Variants in NHS observed in about 807,000 individuals in gnomAD.
The protein encoded by NHS is actin remodeling regulator NHS.
A neutral mutation model predicts 72.5 loss-of-function variants in NHS; 5 were observed. The observed-to-expected ratio is 0.07, with a 90% CI of 0.04 to 0.14. The LOEUF (loss-of-function observed/expected upper bound fraction) is 0.14. Ranked by LOEUF, NHS falls within the 10% of genes least tolerant of loss-of-function variation. NHS has a pLI of 1.00. For synonymous variants in NHS, 464 were observed against 547.7 expected (o/e 0.85, Z 2.13); for missense variants, 1,072 against 1,355.7 (o/e 0.79, Z 3.29).
chrX:17,561,559 C>T (rs889438183), intron 1 of NHS, among the ~76,000 whole-genome samples: 18 of 64,803 alleles, frequency 2.8e-4, no homozygotes, highest in East Asian at 5.7e-4. Flanking sequence ...CAAGTGCATG[C>T]GCGCGCGCGC....
chrX:17,470,672 C>T (rs2064888785), intron 1 of NHS, among the ~76,000 whole-genome samples: 1 of 111,194 alleles, frequency 9.0e-6, no homozygotes, highest in Non-Finnish European at 1.9e-5. Flanking sequence ...AGGTCCTTTG[C>T]ACTTATTGTT....
rs146689069 is a variant in NHS at position 17,479,677 on chromosome X, G to A, written c.565+103355G>A. ...ATGAGCTTTTTTTCATATGTTTGTT[G>A]GGCACATAAATGTCTTCTTTTGAGA... On this transcript the variant is annotated intron_variant, in intron 1 of 8. Transcript: ENST00000676302. Among the ~76,000 whole-genome samples, 83 of 111,778 alleles carry A rather than the reference G, an allele frequency of 7.4e-4. No homozygotes were observed. The East Asian group carries it at 0.012, about 17-fold the overall frequency.
intron 1 of NHS, among the ~76,000 whole-genome samples, chrX:17,522,267 C>T (rs2065151919): frequency 8.9e-6 from 1 of 112,578 alleles, no homozygotes; most frequent in South Asian, 3.6e-4. Context: ...ATTCTGGCCT[C>T]GGAGGAATGC....
intron 3 of NHS, among the ~76,000 whole-genome samples, chrX:17,700,006 T>C (rs1169674775): frequency 9.0e-6 from 1 of 111,502 alleles, no homozygotes; most frequent in Non-Finnish European, 1.9e-5. Context: ...ATACCTCTAA[T>C]TGATAAATAC....
intron 1 of NHS, among the ~76,000 whole-genome samples, chrX:17,480,491 G>A (rs968817583): frequency 6.3e-5 from 7 of 111,156 alleles, no homozygotes; most frequent in Admixed American, 2.9e-4. Context: ...ATCTACAACC[G>A]TCTGATCTTT....
chrX:17,376,024 C>T lies in NHS; in HGVS notation c.267C>T (p.Ser89=), dbSNP rs1451780266. ...DQTQPPHGEA[S]VAGEESTAGI... ...CTCAGCCGCCGCACGGAGAGGCGTC[C>T]GTGGCTGGCGAGGAGAGCACGGCGG... The change falls in exon 1 of 9, where the codon TCC becomes TCT. Residue 89 remains serine, a synonymous_variant. Transcript: ENST00000676302. The T allele has an allele frequency of 9.2e-7, 1 of 1,081,410 alleles. No homozygotes were observed. The highest frequency in any genetic ancestry group is 1.2e-6 in the Non-Finnish European group (1 of 836,491). 89.1% of individuals were successfully genotyped at this position (1,081,410 alleles called of 1,213,427 possible). A position where few individuals can be genotyped will look rare whatever the true frequency, so the allele number is the denominator to read the frequency against.
rs763271953 is a variant in NHS at position 17,718,922 on chromosome X, AAAGG to A, written c.853-415_853-412del. Among the ~76,000 whole-genome samples, 140 of 94,007 alleles carry A rather than the reference AAAGG, an allele frequency of 1.5e-3. 1 individual carries two copies. The highest frequency in any genetic ancestry group is 2.7e-3 in the Non-Finnish European group (128 of 46,728). The allele number at this position is 94,007 out of a possible 115,157, so 81.6% of individuals were successfully genotyped here. On this transcript the variant is annotated intron_variant, in intron 3 of 8. Transcript: ENST00000676302. ...AAGAAGGAAGAGGAAAGGAAGGAAG[AAAGG>A]AAGGAAAGAGGAAGGAAGGAAGAAG...
At chrX:17,432,850 A>C (rs2064700206) in intron 1 of NHS, among the ~76,000 whole-genome samples, 1 of 111,634 alleles carries the variant, frequency 9.0e-6, no homozygotes, top group South Asian at 3.7e-4. Flanking sequence ...GTTTTCCTAA[A>C]GGAAGTGATA....
chrX:17,488,400 G>A (rs1409241054), intron 1 of NHS, among the ~76,000 whole-genome samples: 1 of 111,301 alleles, frequency 9.0e-6, no homozygotes, highest in African/African-American at 3.3e-5. Flanking sequence ...GAAGGGATGG[G>A]AGATGTCCTG....
chrX:17,537,072 T>C lies in NHS; in HGVS notation c.566-150670T>C, dbSNP rs185676679. 2.7e-5 allele frequency among the ~76,000 whole-genome samples: 3 copies of C among 112,398 alleles called. No individual in the cohort carries two copies. The East Asian group carries it at 8.4e-4, about 31-fold the overall frequency. Reference sequence around the variant, plus strand: ...CAGATGGAAAGCAAAGCAAAGACTCTTGTCATGTCCAAGCAAGACAAAGAC... The same window carrying C: ...CAGATGGAAAGCAAAGCAAAGACTCCTGTCATGTCCAAGCAAGACAAAGAC... On this transcript the variant is annotated intron_variant, in intron 1 of 8. Transcript: ENST00000676302.
chrX:17,421,989 C>T (rs1446237753), intron 1 of NHS, among the ~76,000 whole-genome samples: 1 of 112,146 alleles, frequency 8.9e-6, no homozygotes, highest in Admixed American at 9.4e-5. Flanking sequence ...GATGTGTGTA[C>T]ACATCTATGG....
At chrX:17,700,084 C>T (rs760194589) in intron 3 of NHS, among the ~76,000 whole-genome samples, 2 of 110,976 alleles carry the variant, frequency 1.8e-5, no homozygotes, top group Non-Finnish European at 3.8e-5. Flanking sequence ...AAGATGTGAA[C>T]AGACAATTCA....
Position 17,375,592 on chromosome X carries a change from C to A in NHS, c.-166C>A. 1 of 484,039 alleles carries A rather than the reference C, an allele frequency of 2.1e-6. No homozygotes were observed. The highest frequency in any genetic ancestry group is 3.6e-6 in the Non-Finnish European group (1 of 281,451). The allele number at this position is 484,039 out of a possible 1,213,427, so 39.9% of individuals were successfully genotyped here. A position where few individuals can be genotyped will look rare whatever the true frequency, so the allele number is the denominator to read the frequency against. The stretch of plus-strand genomic sequence containing the variant: ...CTGGACTGATTTGCTAGGGAGAGGG[C>A]GGGGAAGAGGAGGCAAGGTGAGCAG... On this transcript the variant is annotated 5_prime_UTR_variant, in exon 1 of 9. Transcript: ENST00000676302.
chrX:17,471,035 A>G (rs764955416), intron 1 of NHS, among the ~76,000 whole-genome samples: 23 of 111,934 alleles, frequency 2.1e-4, no homozygotes, highest in Non-Finnish European at 4.1e-4. Flanking sequence ...CTTTATACCC[A>G]AGGAGGGTAG....
intron 1 of NHS, among the ~76,000 whole-genome samples, chrX:17,641,293 C>T (rs1432947762): frequency 8.9e-6 from 1 of 111,870 alleles, no homozygotes; most frequent in Admixed American, 9.5e-5. Context: ...TCTTTGTCTA[C>T]TCTCCTTTTA....
intron 1 of NHS, among the ~76,000 whole-genome samples, chrX:17,584,282 C>A (rs1412620024): frequency 1.8e-5 from 2 of 111,212 alleles, no homozygotes; most frequent in Non-Finnish European, 3.8e-5. Flanking sequence ...GGAGGGAGGA[C>A]AAAGGAGAGG....
At chrX:17,466,445 A>G (rs928154502) in intron 1 of NHS, among the ~76,000 whole-genome samples, 2 of 112,772 alleles carry the variant, frequency 1.8e-5, no homozygotes, top group African/African-American at 6.4e-5. Context: ...TGGCTGATCA[A>G]TAAATGGAAA....
intron 1 of NHS, among the ~76,000 whole-genome samples, chrX:17,661,647 G>C (rs971933587): frequency 4.5e-5 from 5 of 111,521 alleles, no homozygotes; most frequent in Admixed American, 9.5e-5. Context: ...TTTTCCCCAG[G>C]CTTCTGAGTC....
intron 1 of NHS, among the ~76,000 whole-genome samples, chrX:17,407,487 A>G (rs776074995): frequency 4.5e-5 from 5 of 111,650 alleles, no homozygotes; most frequent in Non-Finnish European, 9.4e-5. Context: ...TGAGGCTGAC[A>G]TGAGGATGTA....
Sources: allele counts gnomAD v4.1 joint callset (sites outside exome capture counted in the v4.1 genomes callset), GRCh38; gene constraint gnomAD v4.1.1; transcripts MANE v1.5; gene names NCBI Gene and HGNC (gene_info 2026-07-23, HGNC 2026-07-21).